The following TRANK1 variants were observed in gnomAD, a reference collection of about 807,000 sequenced individuals.
The protein encoded by TRANK1 is tetratricopeptide repeat and ankyrin repeat containing 1.
A neutral mutation model predicts 266.0 loss-of-function variants in TRANK1; 198 were observed. The ratio of observed to expected loss-of-function variants is 0.74; its 90% CI spans 0.66 to 0.84. The LOEUF is 0.84. Among genes scored for constraint, TRANK1 ranks in the 40% least tolerant of loss-of-function variants. TRANK1 has a pLI of 0.00. For synonymous variants in TRANK1, 1,396 were observed against 1,384.1 expected, an observed-to-expected ratio of 1.01 and a Z score of -0.19; for missense variants, 3,326 against 3,634.6, an observed-to-expected ratio of 0.92 and a Z score of 2.18.
intron 13 of TRANK1, among the ~76,000 whole-genome samples, chr3:36,853,103 T>A (rs892546372): frequency 2.6e-5 from 4 of 152,220 alleles, no homozygotes; most frequent in Non-Finnish European, 5.9e-5. Flanking sequence ...ATAGTGACAT[T>A]GGCTTAATGC....
chr3:36,892,734 G>T (rs2079720012), intron 6 of TRANK1, among the ~76,000 whole-genome samples, 167 bp downstream of exon 6: 1 of 151,966 alleles, frequency 6.6e-6, no homozygotes, highest in Admixed American at 6.6e-5. Flanking sequence ...GGAGGCTGAG[G>T]CAGGGAGAAT....
chr3:36,850,557 C>G, intron 15 of TRANK1: 1 of 955,418 alleles, frequency 1.0e-6, no homozygotes, highest in Non-Finnish European at 1.2e-6. Context: ...TTACTTAAGG[C>G]CAGGAGTTTG....
rs1395520571 is a variant in TRANK1, at chr3:36,899,128, T to C, written c.414A>G (p.Gly138=). 4.6e-6 allele frequency: 7 copies of C among 1,537,062 alleles called. No individual in the cohort carries two copies. The highest frequency in any genetic ancestry group is 6.1e-6 in the Non-Finnish European group (7 of 1,146,912). The change falls in exon 4 of 24, where the codon GGA becomes GGG. Residue 138 remains glycine, a synonymous_variant. Coordinates refer to ENST00000645898, the MANE Select transcript of TRANK1 (RefSeq NM_001329998.2). ...ACTTACTGCTCATAGTGGTGAAGAC[T>C]CCAACAAGGAAATCAGCAACCGGTG... ...DQAPVADFLV[G]VFTTMSSDSI...
In TRANK1 at chr3:36,842,667, C is replaced by G; in HGVS notation, c.5235G>C (p.Glu1745Asp). The change falls in exon 18 of 24, where the codon GAG becomes GAC. Residue 1745 changes from glutamate to aspartate, a missense_variant. Physicochemically the swap from Glu to Asp is conservative, Grantham distance 45. Coordinates refer to ENST00000645898, the MANE Select transcript of TRANK1 (RefSeq NM_001329998.2). ...CGTAGTAATCTCCCTGTGCAATCCA[C>G]TCCGCAGGAGTTGAGGTCTTAACGA... ...SMFVKTSTPA[E>D]WIAQGDYYAK... The G allele has an allele frequency of 6.2e-7, 1 of 1,614,020 alleles. No individual in the cohort carries two copies. Among genetic ancestry groups the G allele is most frequent in the Non-Finnish European group, 8.5e-7 (1 of 1,179,894 alleles).
chr3:36,929,456 A>G (rs2080332202), intron 1 of TRANK1: 1 of 152,248 alleles, frequency 6.6e-6, no homozygotes, highest in African/African-American at 2.4e-5. Context: ...ACTAACATGA[A>G]AGTAAGCACA....
At chr3:36,926,469 GA>G (rs762049841) in intron 1 of TRANK1, among the ~76,000 whole-genome samples, 1 of 152,140 alleles carries the variant, frequency 6.6e-6, no homozygotes, top group Non-Finnish European at 1.5e-5. Context: ...ACAGGTCTAG[GA>G]GAGAGACCTG....
intron 11 of TRANK1, 112 bp downstream of exon 11, chr3:36,860,794 G>T: frequency 7.0e-7 from 1 of 1,427,550 alleles, no homozygotes; most frequent in South Asian, 1.4e-5. Context: ...TAGGCAATGA[G>T]GGTGAACTTC....
rs756936872 is a variant in TRANK1 at position 36,833,444 on chromosome 3, T to C, written c.6139A>G (p.Arg2047Gly). The change falls in exon 22 of 24, where the codon AGG (arginine) becomes GGG (glycine). Residue 2047 changes from arginine (R) to glycine (G), a missense_variant. By Grantham distance (125) the Arg-to-Gly change is moderately radical (BLOSUM62 -2). Transcript: ENST00000645898. ...GVILRDFQKL[R>G]DAFFKFDTLN... is the part of the protein sequence containing the mutation. ...GTGTCAAACTTGAAGAAGGCATCCC[T>C]GAGCTTCTGAAAGTCTCTCAGGATT... is the stretch of plus-strand genomic sequence containing the variant. 5.0e-6 allele frequency: 8 copies of C among 1,613,838 alleles called. No homozygotes were observed. In the Admixed American group the frequency reaches 1.0e-4, roughly 20 times the overall value.
At chr3:36,901,627 T>C (rs11708164) in intron 3 of TRANK1, among the ~76,000 whole-genome samples, 43,260 of 152,098 alleles carry the variant, frequency 0.28, 6,703 homozygotes, top group East Asian at 0.56. Flanking sequence ...ATCTGTCTCT[T>C]GTCAATCTGA....
rs1167430461 is a variant in TRANK1, at chr3:36,834,807, T to C, written c.5618A>G (p.Tyr1873Cys). The change falls in exon 21 of 24, where the codon TAC (tyrosine) becomes TGC (cysteine). Residue 1873 changes from tyrosine to cysteine, a missense_variant. Transcript: ENST00000645898. The part of the protein sequence containing the change: ...IQEFDLALKM[Y>C]CQEELFEEAA... ...TTCTTCAAAAAGCTCCTCTTGGCAGTACATTTTGAGTGCTAGATCAAATTC... is the reference window on the plus strand; with the variant it reads ...TTCTTCAAAAAGCTCCTCTTGGCAGCACATTTTGAGTGCTAGATCAAATTC... 2 of 1,613,788 alleles carry C rather than the reference T, an allele frequency of 1.2e-6. No individual in the cohort carries two copies. The highest frequency in any genetic ancestry group is 1.3e-5 in the African/African-American group (1 of 75,000).
rs533737196 is a variant in TRANK1 at position 36,873,790 on chromosome 3, T to G, written c.1078+336A>C. On this transcript the variant is annotated intron_variant, in intron 9 of 23. Coordinates refer to ENST00000645898, the MANE Select transcript of TRANK1 (RefSeq NM_001329998.2). The stretch of plus-strand genomic sequence containing the variant: ...GTTGGCCATAATTGTTTCTAAGGAA[T>G]AGACTTGATTTTGTTATCTCATATT... Among the ~76,000 whole-genome samples, 362 of 152,176 alleles carry G rather than the reference T, an allele frequency of 2.4e-3. 2 individuals carry two copies. The highest frequency in any genetic ancestry group is 7.9e-3 in the African/African-American group (326 of 41,512).
Position 36,828,234 on chromosome 3 carries a change from G to A in TRANK1, c.*41C>T, listed in dbSNP as rs747641033. 2.1e-6 allele frequency: 3 copies of A among 1,442,882 alleles called. No individual in the cohort carries two copies. Among genetic ancestry groups the A allele is most frequent in the Non-Finnish European group, 2.9e-6 (3 of 1,034,820 alleles). 89.4% of individuals were successfully genotyped at this position (1,442,882 alleles called of 1,614,324 possible). ...AGCGCTCAGAATTCTAAGTCAGAAT[G>A]GAATGTTCCGAAGGATGAGGAGGCT... is the stretch of plus-strand genomic sequence containing the variant. On this transcript the variant is annotated 3_prime_UTR_variant, in exon 24 of 24. Transcript: ENST00000645898.
intron 1 of TRANK1, among the ~76,000 whole-genome samples, chr3:36,925,997 T>C (rs1344303065): frequency 6.6e-6 from 1 of 152,218 alleles, no homozygotes; most frequent in Admixed American, 6.5e-5. Context: ...GATGCTTTTA[T>C]AAGGGAAGTA....
chr3:36,858,956 G>T (rs1322356272), intron 11 of TRANK1, 62 bp from the exon 12 acceptor site: 4 of 1,436,940 alleles, frequency 2.8e-6, no homozygotes. Context: ...CCTGACGAGA[G>T]AAGGAATGCT....
intron 18 of TRANK1, among the ~76,000 whole-genome samples, chr3:36,839,344 T>C (rs1021236733): frequency 6.6e-6 from 1 of 152,228 alleles, no homozygotes; most frequent in East Asian, 1.9e-4. Flanking sequence ...ACAGGGGTGC[T>C]GATGCTATGT....
intron 8 of TRANK1, among the ~76,000 whole-genome samples, chr3:36,885,094 GT>G: frequency 6.6e-6 from 1 of 152,078 alleles, no homozygotes; most frequent in Non-Finnish European, 1.5e-5. Flanking sequence ...GGTATATGCA[GT>G]TTCAAAGTAT....
intron 1 of TRANK1, among the ~76,000 whole-genome samples, chr3:36,932,695 G>C (rs1402987418): frequency 6.6e-6 from 1 of 152,230 alleles, no homozygotes; most frequent in Non-Finnish European, 1.5e-5. Flanking sequence ...AAGAGCTTAA[G>C]GATGTATGTG....
chr3:36,857,926 A>T lies in TRANK1; in HGVS notation c.1796T>A (p.Phe599Tyr), dbSNP rs756730167. 5.0e-6 allele frequency: 8 copies of T among 1,606,170 alleles called. No individual in the cohort carries two copies. In the African/African-American group the frequency reaches 1.1e-4, roughly 21 times the overall value. Residue 599 changes from phenylalanine (F) to tyrosine (Y), a missense_variant, in exon 13 of 24, where the codon TTC becomes TAC. Phe to Tyr is a conservative substitution (Grantham distance 22). Coordinates refer to ENST00000645898, the MANE Select transcript of TRANK1 (RefSeq NM_001329998.2). This position sits in a 1 kb window ranked among gnomAD's most constrained non-coding sequence, Gnocchi z 4.3. ...CACGCGCTTTAGCATGCCCTTCTGG[A>T]AGAGGATGTGCATCAGCGTGTTCCC... is the stretch of plus-strand genomic sequence containing the variant. ...SNGNTLMHIL[F>Y]QKGMLKRVKK... is the part of the protein sequence containing the mutation.
intron 13 of TRANK1, 150 bp from the exon 14 acceptor site, chr3:36,852,495 T>A: frequency 2.9e-6 from 2 of 678,570 alleles, no homozygotes; most frequent in South Asian, 4.3e-5. Flanking sequence ...CCCATTTGAT[T>A]ACCTCTGCAG....
Sources: gnomAD v4.1 joint callset for allele counts (sites outside exome capture counted in the v4.1 genomes callset) on GRCh38, gnomAD v4.1.1 for gene constraint, Gnocchi (gnomAD v3.1) non-coding constraint, MANE v1.5 for transcripts, NCBI Gene and HGNC (gene_info 2026-07-23, HGNC 2026-07-21) for gene names.